AGBL4: variants seen among roughly 807,000 people sequenced by gnomAD.
AGBL4 encodes the protein AGBL carboxypeptidase 4, also known as cytosolic carboxypeptidase 6.
In AGBL4, 58 loss-of-function variants were observed where a neutral mutation model predicts 66.4. That is an observed-to-expected ratio of 0.87 (90% CI 0.71 to 1.09). The LOEUF (loss-of-function observed/expected upper bound fraction) is 1.09, where lower values mean the gene tolerates loss of function less well. Among genes scored for constraint, AGBL4 ranks in the 50% least tolerant of loss-of-function variants. The pLI, the probability that AGBL4 is intolerant of heterozygous loss-of-function variation, is 0.00. For missense variants in AGBL4, 579 were observed against 631.0 expected, an observed-to-expected ratio of 0.92 and a Z score of 0.88; for synonymous variants, 234 against 222.9, an observed-to-expected ratio of 1.05 and a Z score of -0.44.
chr1:48,619,885 T>C (rs1224176442), intron 9 of AGBL4, among the ~76,000 whole-genome samples: 1 of 152,172 alleles, frequency 6.6e-6, no homozygotes, highest in Non-Finnish European at 1.5e-5. Flanking sequence ...CCCAAGCCTC[T>C]CCTGGTGTCT....
intron 2 of AGBL4, among the ~76,000 whole-genome samples, chr1:49,834,317 G>A (rs1163809287): frequency 6.6e-6 from 1 of 152,158 alleles, no homozygotes; most frequent in Non-Finnish European, 1.5e-5. Flanking sequence ...TTGGGAGGGT[G>A]TATGTGTCCA....
intron 6 of AGBL4, among the ~76,000 whole-genome samples, chr1:48,699,330 G>A (rs530343186): frequency 6.6e-6 from 1 of 152,274 alleles, no homozygotes; most frequent in African/African-American, 2.4e-5. Context: ...GATGCTGTAA[G>A]AATATAAAAT....
intron 1 of AGBL4, among the ~76,000 whole-genome samples, chr1:49,977,319 T>C (rs1030977790): frequency 6.6e-6 from 1 of 152,182 alleles, no homozygotes; most frequent in Non-Finnish European, 1.5e-5. Context: ...TCACCTCTCG[T>C]CTTCCATGGA....
At chr1:49,266,875 G>T (rs1423738397) in intron 3 of AGBL4, among the ~76,000 whole-genome samples, 1 of 152,146 alleles carries the variant, frequency 6.6e-6, no homozygotes, top group Non-Finnish European at 1.5e-5. Flanking sequence ...CTATTGAAGG[G>T]TTTTAATTGT....
intron 9 of AGBL4, among the ~76,000 whole-genome samples, chr1:48,595,802 C>G (rs1333956422): frequency 6.6e-6 from 1 of 152,172 alleles, no homozygotes; most frequent in Admixed American, 6.5e-5. Flanking sequence ...TCACTTGGCA[C>G]AGGCCAAAAC....
intron 2 of AGBL4, among the ~76,000 whole-genome samples, chr1:49,750,414 T>C (rs1412643965): frequency 1.3e-5 from 2 of 152,188 alleles, no homozygotes; most frequent in African/African-American, 4.8e-5. Flanking sequence ...ATGTGTGGTG[T>C]TATTTCTGAG....
intron 2 of AGBL4, among the ~76,000 whole-genome samples, chr1:49,850,354 C>CAT (rs1169316182): frequency 2.0e-5 from 3 of 152,094 alleles, no homozygotes; most frequent in African/African-American, 7.2e-5. Flanking sequence ...GATTCTTCCT[C>CAT]ATAATTCTTA....
At chr1:48,776,672 G>T (rs1645106620) in intron 6 of AGBL4, 1 of 1,500,092 alleles carries the variant, frequency 6.7e-7, no homozygotes, top group Non-Finnish European at 8.9e-7. Flanking sequence ...GCGCGCGGGG[G>T]GCTCTCGGGC....
At chr1:49,094,033 C>T (rs948230514) in intron 4 of AGBL4, among the ~76,000 whole-genome samples, 4 of 152,040 alleles carry the variant, frequency 2.6e-5, no homozygotes, top group African/African-American at 9.7e-5. Flanking sequence ...TGTGACTTTT[C>T]GCATAGTTTT....
chr1:49,975,587 C>T (rs906222187), intron 1 of AGBL4, among the ~76,000 whole-genome samples: 1 of 152,150 alleles, frequency 6.6e-6, no homozygotes, highest in African/African-American at 2.4e-5. Flanking sequence ...TTGAGGTTTG[C>T]ACGCTCCTGT....
chr1:49,284,503 A>G (rs1478504197), intron 3 of AGBL4, among the ~76,000 whole-genome samples: 1 of 152,178 alleles, frequency 6.6e-6, no homozygotes, highest in Non-Finnish European at 1.5e-5. Context: ...TAATGACAGG[A>G]TCAAATTCAC....
intron 1 of AGBL4, among the ~76,000 whole-genome samples, chr1:49,930,348 T>A (rs1653205819): frequency 6.6e-6 from 1 of 152,028 alleles, no homozygotes; most frequent in Non-Finnish European, 1.5e-5. Flanking sequence ...GAAAATTCCA[T>A]TCCCTTTTAG....
intron 8 of AGBL4, among the ~76,000 whole-genome samples, chr1:48,637,001 G>C (rs1007477622): frequency 1.3e-5 from 2 of 152,204 alleles, no homozygotes; most frequent in African/African-American, 2.4e-5. Flanking sequence ...TGCTGGGATA[G>C]AGTGATTGAT....
intron 3 of AGBL4, among the ~76,000 whole-genome samples, chr1:49,393,841 C>A (rs1269179901): frequency 1.3e-5 from 2 of 152,140 alleles, no homozygotes; most frequent in Non-Finnish European, 2.9e-5. Flanking sequence ...ACAGAGAATT[C>A]ATTTACCTGA....
At chr1:49,453,556 T>G (rs567973011) in intron 3 of AGBL4, among the ~76,000 whole-genome samples, 1 of 151,900 alleles carries the variant, frequency 6.6e-6, no homozygotes, top group South Asian at 2.1e-4. Context: ...TTTCTCATGC[T>G]CTCAAGGCAA....
At chr1:50,022,119 T>C (rs1662488727) in intron 1 of AGBL4, among the ~76,000 whole-genome samples, 1 of 152,194 alleles carries the variant, frequency 6.6e-6, no homozygotes, top group Admixed American at 6.5e-5. Context: ...ACAATATCAG[T>C]AATTCAGTTA....
At chr1:49,787,658 A>T (rs1188609995) in intron 2 of AGBL4, among the ~76,000 whole-genome samples, 1 of 152,164 alleles carries the variant, frequency 6.6e-6, no homozygotes, top group Non-Finnish European at 1.5e-5. Flanking sequence ...GTTATGCTCA[A>T]TTACAGTTTG....
chr1:49,953,304 ACAGTT>A (rs1656316459), intron 1 of AGBL4, among the ~76,000 whole-genome samples: 1 of 151,972 alleles, frequency 6.6e-6, no homozygotes. Context: ...GGAAAATTAA[ACAGTT>A]CAAGAGATCC....
intron 3 of AGBL4, among the ~76,000 whole-genome samples, chr1:49,260,885 T>C (rs1025880473): frequency 2.7e-5 from 4 of 150,408 alleles, no homozygotes; most frequent in Non-Finnish European, 5.9e-5. Flanking sequence ...ATATCCTTGA[T>C]GAACATTGAT....
Sources: allele counts gnomAD v4.1 joint callset (sites outside exome capture counted in the v4.1 genomes callset), GRCh38; gene constraint gnomAD v4.1.1; transcripts MANE v1.5; gene names NCBI Gene and HGNC (gene_info 2026-07-23, HGNC 2026-07-21).